The following PSD3 variants were observed in gnomAD, a reference collection of about 807,000 sequenced individuals.
PSD3 encodes the protein pleckstrin and Sec7 domain containing 3.
PSD3 carries 49 observed loss-of-function variants against 105.5 expected under a neutral mutation model. The observed-to-expected ratio is 0.46, with a 90% CI of 0.37 to 0.59. PSD3 has a LOEUF of 0.59. PSD3 is among the 20% of genes least tolerant of loss of function. PSD3 has a pLI of 0.00. For synonymous variants in PSD3, 557 were observed against 457.8 expected, an observed-to-expected ratio of 1.22 and a Z score of -2.77; for missense variants, 1,561 against 1,263.8, an observed-to-expected ratio of 1.24 and a Z score of -3.57.
intron 10 of PSD3, among the ~76,000 whole-genome samples, chr8:18,645,491 G>A (rs530377918): frequency 9.9e-4 from 150 of 152,102 alleles, no homozygotes; most frequent in Non-Finnish European, 2.0e-3. Context: ...TGTCTTTGCT[G>A]AATATAAATA....
At chr8:18,873,130 A>G (rs1419201393) in intron 2 of PSD3, among the ~76,000 whole-genome samples, 1 of 152,214 alleles carries the variant, frequency 6.6e-6, no homozygotes, top group African/African-American at 2.4e-5. Flanking sequence ...TTAACACTAA[A>G]GAGCCCTATG....
chr8:18,645,623 A>G (rs1378479741), intron 10 of PSD3, among the ~76,000 whole-genome samples: 1 of 152,212 alleles, frequency 6.6e-6, no homozygotes, highest in Non-Finnish European at 1.5e-5. Flanking sequence ...TAGCATTATT[A>G]TTTTACCAAG....
intron 9 of PSD3, among the ~76,000 whole-genome samples, chr8:18,754,386 A>T (rs1805857036): frequency 6.6e-6 from 1 of 152,174 alleles, no homozygotes; most frequent in Admixed American, 6.5e-5. Flanking sequence ...TCCATCTCAA[A>T]ATTAATAAAT....
intron 9 of PSD3, among the ~76,000 whole-genome samples, chr8:18,666,727 G>A (rs989042008): frequency 2.0e-5 from 3 of 148,176 alleles, no homozygotes; most frequent in African/African-American, 7.7e-5. Flanking sequence ...TTTTTTTTGG[G>A]GGGTGGGGGG....
chr8:18,539,464 A>G (rs1800028351), intron 15 of PSD3, among the ~76,000 whole-genome samples: 1 of 152,074 alleles, frequency 6.6e-6, no homozygotes, highest in Admixed American at 6.6e-5. Flanking sequence ...TTTTCCTAAG[A>G]CCGATTGTGA....
At chr8:18,853,729 A>C (rs1346255055) in intron 4 of PSD3, among the ~76,000 whole-genome samples, 1 of 152,178 alleles carries the variant, frequency 6.6e-6, no homozygotes, top group Non-Finnish European at 1.5e-5. Context: ...ACCCCACTAC[A>C]TGACTAAGCT....
rs182126648 is a variant in PSD3 at position 19,073,992 on chromosome 8, G to A, written c.324+10214C>T. The stretch of plus-strand genomic sequence containing the variant: ...TTTTTAGTAGAGACGAGGTTTCACC[G>A]TGTTAGCCAGGATGGTCTCGATCTC... On this transcript the variant is annotated intron_variant, in intron 1 of 1. Coordinates refer to the PSD3 transcript ENST00000521475. 3.4e-3 allele frequency among the ~76,000 whole-genome samples: 517 copies of A among 151,986 alleles called. 3 individuals are homozygous for A. The highest frequency in any genetic ancestry group is 0.011 in the African/African-American group (473 of 41,454).
In PSD3 at chr8:18,535,627, T is replaced by C. The variant is rs565107732; in HGVS notation, c.*116A>G. On this transcript the variant is annotated 3_prime_UTR_variant, in exon 16 of 16. Coordinates refer to ENST00000327040, the MANE Select transcript of PSD3 (RefSeq NM_015310.4). ...AAAAATATACAATAGAAAAAATTAC[T>C]AATGCACCGTTTTGTCACAGACTTT... The C allele has an allele frequency of 2.5e-6, 2 of 814,268 alleles. No individual in the cohort carries two copies. The highest frequency in any genetic ancestry group is 1.7e-5 in the African/African-American group (1 of 57,558). 50.4% of individuals were successfully genotyped at this position (814,268 alleles called of 1,614,324 possible).
chr8:18,935,514 A>T (rs1451493207), intron 2 of PSD3, among the ~76,000 whole-genome samples: 1 of 146,990 alleles, frequency 6.8e-6, no homozygotes, highest in African/African-American at 2.5e-5. Flanking sequence ...TGTCTCTTAA[A>T]AAAAAAAAAA....
chr8:19,061,410 A>T (rs1828890309), intron 1 of PSD3, among the ~76,000 whole-genome samples: 1 of 152,214 alleles, frequency 6.6e-6, no homozygotes, highest in Non-Finnish European at 1.5e-5. Flanking sequence ...GACTCAACCC[A>T]CAAGTATGTC....
intron 1 of PSD3, among the ~76,000 whole-genome samples, chr8:19,008,837 C>G (rs1019356483): frequency 8.5e-5 from 13 of 152,158 alleles, no homozygotes; most frequent in African/African-American, 2.9e-4. Flanking sequence ...ATGCCCTCGG[C>G]TCATTCCCCA....
chr8:18,974,866 G>C (rs776399157), intron 1 of PSD3, among the ~76,000 whole-genome samples: 1 of 152,142 alleles, frequency 6.6e-6, no homozygotes, highest in South Asian at 2.1e-4. Flanking sequence ...TTCACTGGAG[G>C]AAAGGGTGGA....
intron 14 of PSD3, among the ~76,000 whole-genome samples, chr8:18,565,051 C>A: frequency 6.6e-6 from 1 of 152,288 alleles, no homozygotes; most frequent in East Asian, 1.9e-4. Flanking sequence ...AGGGTAGGCA[C>A]AGGTTCCTAC....
chr8:18,690,984 A>G (rs192505255), intron 9 of PSD3, among the ~76,000 whole-genome samples: 352 of 152,074 alleles, frequency 2.3e-3, no homozygotes, highest in African/African-American at 7.8e-3. Flanking sequence ...AACAATCACT[A>G]TAAGAATTGG....
chr8:18,684,886 C>G (rs1258374620), intron 9 of PSD3, among the ~76,000 whole-genome samples: 1 of 152,152 alleles, frequency 6.6e-6, no homozygotes, highest in East Asian at 1.9e-4. Flanking sequence ...CCTCTGAGTA[C>G]GAATCACAAA....
At chr8:19,043,846 A>G (rs1023191881) in intron 1 of PSD3, among the ~76,000 whole-genome samples, 8 of 152,212 alleles carry the variant, frequency 5.3e-5, no homozygotes, top group African/African-American at 1.9e-4. Flanking sequence ...TCTGTTCAAC[A>G]TAAATTACCT....
At chr8:18,799,701 C>G (rs1356721756) in intron 7 of PSD3, among the ~76,000 whole-genome samples, 1 of 152,136 alleles carries the variant, frequency 6.6e-6, no homozygotes, top group African/African-American at 2.4e-5. Context: ...GATATCCAGA[C>G]AAGCATTGCT....
At chr8:18,630,162 G>T (rs1202633315) in intron 11 of PSD3, among the ~76,000 whole-genome samples, 1 of 151,496 alleles carries the variant, frequency 6.6e-6, no homozygotes, top group Non-Finnish European at 1.5e-5. Flanking sequence ...AGGTTCCTTT[G>T]GAAAGCAGGA....
At chr8:18,894,602 A>G (rs1819019085) in intron 2 of PSD3, among the ~76,000 whole-genome samples, 1 of 152,206 alleles carries the variant, frequency 6.6e-6, no homozygotes, top group African/African-American at 2.4e-5. Flanking sequence ...GTAACAGAAC[A>G]AGGAGAGATG....
Sources: gnomAD v4.1 joint callset for allele counts (sites outside exome capture counted in the v4.1 genomes callset) on GRCh38, gnomAD v4.1.1 for gene constraint, MANE v1.5 for transcripts, NCBI Gene and HGNC (gene_info 2026-07-23, HGNC 2026-07-21) for gene names.